KIF21B: variants seen among roughly 807,000 people sequenced by gnomAD.
KIF21B encodes the protein kinesin-like protein KIF21B.
KIF21B carries 85 observed loss-of-function variants against 192.9 expected under a neutral mutation model. The observed-to-expected ratio is 0.44, with a 90% confidence interval of 0.37 to 0.53. The LOEUF (loss-of-function observed/expected upper bound fraction) is 0.53, where lower values mean the gene tolerates loss of function less well. Among genes scored for constraint, KIF21B ranks in the 20% least tolerant of loss-of-function variants. The pLI, the probability that KIF21B is intolerant of heterozygous loss-of-function variation, is 0.00. For missense variants in KIF21B, 1,716 were observed against 2,194.8 expected (o/e 0.78, Z 4.36); for synonymous variants, 832 against 884.6 (o/e 0.94, Z 1.05).
At chr1:201,007,706 GCACA>G (rs1176141942) in intron 3 of KIF21B, among the ~76,000 whole-genome samples, 1 of 136,932 alleles carries the variant, frequency 7.3e-6, no homozygotes, top group African/African-American at 2.8e-5. Flanking sequence ...AGACAGATGC[GCACA>G]CAGACACATA....
rs991744958 is a variant in KIF21B at position 200,969,729 on chromosome 1, T to C, written c.*3792A>G. The C allele has an allele frequency of 2.0e-5, 3 of 152,366 alleles. No homozygotes were observed. The highest frequency in any genetic ancestry group is 4.8e-5 in the African/African-American group (2 of 41,438). The allele number at this position is 152,366 out of a possible 1,614,324, so 9.4% of individuals were successfully genotyped here. ...GCCCTCAGGACATGGTTCACAGGAC[T>C]GAACTAGAGTGTGATAGGGGCTTCA... On this transcript the variant is annotated 3_prime_UTR_variant, in exon 35 of 35. Transcript: ENST00000461742.
At chr1:200,997,894 G>T (rs12089839) in intron 14 of KIF21B, among the ~76,000 whole-genome samples, 2 of 152,128 alleles carry the variant, frequency 1.3e-5, no homozygotes, top group Non-Finnish European at 2.9e-5. Flanking sequence ...TATGCTGCAC[G>T]AGAGCAGGGA....
chr1:201,014,429 G>C (rs764712104), intron 1 of KIF21B, among the ~76,000 whole-genome samples: 3 of 152,234 alleles, frequency 2.0e-5, no homozygotes, highest in Admixed American at 6.5e-5. Context: ...CGGAAGGGGA[G>C]GACAGAGGAG....
rs1558008060 is a variant in KIF21B at position 200,990,550 on chromosome 1, G to C, written c.2835+26C>G. ...AGAGGACAGGCAGAGGGGTGGAATGGAAGAGAAGGGGGAGGCAGGGCTCAC... is the reference window on the plus strand; with the variant it reads ...AGAGGACAGGCAGAGGGGTGGAATGCAAGAGAAGGGGGAGGCAGGGCTCAC... On this transcript the variant is annotated intron_variant, in intron 19 of 34. Transcript: ENST00000461742. The surrounding 1 kb of genome is among the most constrained non-coding windows in gnomAD (Gnocchi z 5.4). 3.7e-6 allele frequency: 6 copies of C among 1,609,794 alleles called. No homozygotes were observed. In the Middle Eastern group the frequency reaches 6.8e-4, roughly 184 times the overall value.
At position 200,988,822 on chromosome 1, in the gene KIF21B, C is replaced by G. The variant is rs763531100; in HGVS notation, c.3242G>C (p.Arg1081Pro). 1.2e-6 allele frequency: 2 copies of G among 1,613,824 alleles called. No individual in the cohort carries two copies. Among genetic ancestry groups the G allele is most frequent in the Non-Finnish European group, 1.7e-6 (2 of 1,179,886 alleles). The change falls in exon 22 of 35, where the codon CGT (arginine) becomes CCT (proline). Residue 1081 changes from arginine to proline, a missense_variant. Transcript: ENST00000461742. ...SQNHLLLDAL[R>P]EKAEAHPELQ... is the part of the protein sequence containing the mutation. ...CTCGGGGTGAGCTTCAGCCTTCTCA[C>G]GCAGGGCGTCCAGGAGCAGATGGTT...
intron 32 of KIF21B, among the ~76,000 whole-genome samples, chr1:200,976,092 C>T (rs1434825902): frequency 6.6e-6 from 1 of 152,050 alleles, no homozygotes; most frequent in East Asian, 1.9e-4. Context: ...TACTTCTTTC[C>T]AGTTTCTTTT....
At position 201,023,281 on chromosome 1, in the gene KIF21B, G is replaced by T; in HGVS notation, c.41+62C>A. ...GCGGTGCTCGCGCCCCCCGCCCAAA[G>T]CCCACGCGAGACAAAGCCCGAGGCT... On this transcript the variant is annotated intron_variant, in intron 1 of 34. Coordinates refer to ENST00000461742, the MANE Select transcript of KIF21B (RefSeq NM_001252102.2). This position sits in a 1 kb window ranked among gnomAD's most constrained non-coding sequence, Gnocchi z 5.9. The T allele has an allele frequency of 2.1e-6, 3 of 1,408,614 alleles. No individual in the cohort carries two copies. The highest frequency in any genetic ancestry group is 1.9e-6 in the Non-Finnish European group (2 of 1,045,216). 87.3% of individuals were successfully genotyped at this position (1,408,614 alleles called of 1,614,324 possible).
intron 9 of KIF21B, 99 bp downstream of exon 9, chr1:201,002,062 A>C (rs1232499270): frequency 8.7e-6 from 9 of 1,036,838 alleles, no homozygotes; most frequent in Admixed American, 6.4e-5. Context: ...CTATGAATTG[A>C]CTGGCTGGCT....
chr1:200,977,070 GA>G (rs756532171), intron 31 of KIF21B, 141 bp downstream of exon 31: 33 of 1,080,782 alleles, frequency 3.1e-5, no homozygotes, highest in Non-Finnish European at 4.3e-5. Context: ...TCTCACTGGA[GA>G]GGGCACAGGC....
chr1:200,999,209 G>A lies in KIF21B; in HGVS notation c.1885+140C>T. On this transcript the variant is annotated intron_variant, in intron 13 of 34. Coordinates refer to ENST00000461742, the MANE Select transcript of KIF21B (RefSeq NM_001252102.2). This position sits in a 1 kb window ranked among gnomAD's most constrained non-coding sequence, Gnocchi z 4.7. The stretch of plus-strand genomic sequence containing the variant: ...AAGTGTTTGCCATCATTCTCATCAT[G>A]ACTGCCTGTTGTCATTGGTTTCACG... 1.0e-6 allele frequency: 1 copy of A among 988,964 alleles called. No homozygotes were observed. Among genetic ancestry groups the A allele is most frequent in the Non-Finnish European group, 1.6e-6 (1 of 629,592 alleles). 61.3% of individuals were successfully genotyped at this position (988,964 alleles called of 1,614,324 possible). A position where few individuals can be genotyped will look rare whatever the true frequency, so the allele number is the denominator to read the frequency against.
intron 27 of KIF21B, 133 bp from the exon 28 acceptor site, chr1:200,983,227 G>A (rs1466733188): frequency 2.6e-6 from 2 of 759,818 alleles, no homozygotes; most frequent in Non-Finnish European, 4.5e-6. Context: ...GACAGGCAGA[G>A]GAATGAGGGC....
chr1:201,014,095 CGAG>C, intron 1 of KIF21B, among the ~76,000 whole-genome samples: 2 of 152,326 alleles, frequency 1.3e-5, no homozygotes, highest in South Asian at 4.1e-4. Flanking sequence ...GGCGCGAGAG[CGAG>C]GAGAAAGGGC....
intron 7 of KIF21B, 35 bp from the exon 8 acceptor site, chr1:201,003,816 G>C: frequency 6.2e-7 from 1 of 1,606,016 alleles, no homozygotes. Flanking sequence ...GAGGGTGAGG[G>C]ACACAGCCAG....
At chr1:201,001,244 T>C (rs1657482787) in intron 9 of KIF21B, among the ~76,000 whole-genome samples, 2 of 152,200 alleles carry the variant, frequency 1.3e-5, no homozygotes, top group Admixed American at 6.5e-5. Context: ...AAAAATACTT[T>C]GCACAGAGGT....
At chr1:200,976,630 T>C (rs1472105638) in intron 32 of KIF21B, 146 bp downstream of exon 32, 1 of 501,442 alleles carries the variant, frequency 2.0e-6, no homozygotes, top group South Asian at 4.1e-5. Flanking sequence ...TTTCTGCACA[T>C]AAATTCTTGC....
chr1:200,991,773 CCT>C, intron 16 of KIF21B, 48 bp from the exon 17 acceptor site: 2 of 1,591,156 alleles, frequency 1.3e-6, no homozygotes, highest in Non-Finnish European at 1.7e-6. Context: ...GCACCTTAGC[CCT>C]CTCTGTCTGT....
In KIF21B at chr1:201,002,282, T is replaced by C. The variant is rs373562820; in HGVS notation, c.1281A>G (p.Leu427=). Residue 427 remains leucine (L), a synonymous_variant, in exon 9 of 35, where the codon CTA becomes CTG. Transcript: ENST00000461742. ...YSDLFRENAM[L]QKENGALRLR... ...GCCGCAGGGCCCCATTCTCCTTCTG[T>C]AGCATGGCATTCTCTCGGAACAGAT... 2.5e-6 allele frequency: 4 copies of C among 1,614,128 alleles called. No individual in the cohort carries two copies. The highest frequency in any genetic ancestry group is 3.4e-6 in the Non-Finnish European group (4 of 1,179,980).
At chr1:200,974,509 C>T (rs1052068511) in intron 34 of KIF21B, among the ~76,000 whole-genome samples, 1 of 151,982 alleles carries the variant, frequency 6.6e-6, no homozygotes, top group Middle Eastern at 3.2e-3. Context: ...CCTTCCTCCT[C>T]CCCTGCCTAG....
intron 5 of KIF21B, 74 bp from the exon 6 acceptor site, chr1:201,005,007 TC>T: frequency 6.6e-7 from 1 of 1,508,448 alleles, no homozygotes; most frequent in African/African-American, 1.4e-5. Context: ...AGTACTGCCA[TC>T]CGGGAGAGGC....
Sources: gnomAD v4.1 joint callset for allele counts (sites outside exome capture counted in the v4.1 genomes callset) on GRCh38, gnomAD v4.1.1 for gene constraint, Gnocchi (gnomAD v3.1) non-coding constraint, MANE v1.5 for transcripts, NCBI Gene and HGNC (gene_info 2026-07-23, HGNC 2026-07-21) for gene names.